SLC17A9: variants seen among roughly 807,000 people sequenced by gnomAD.
The protein encoded by SLC17A9 is voltage-gated purine nucleotide uniporter SLC17A9.
In SLC17A9, 49 loss-of-function variants were observed where a neutral mutation model predicts 55.0. The observed-to-expected ratio is 0.89, with a 90% CI of 0.71 to 1.13. The LOEUF (loss-of-function observed/expected upper bound fraction) is 1.13. Among genes scored for constraint, SLC17A9 ranks in the 50% most tolerant of loss-of-function variants. The probability of loss-of-function intolerance (pLI) is 0.00; values close to 1 mark genes in which losing one functional copy is unlikely to be tolerated. For missense variants in SLC17A9, 526 were observed against 569.3 expected (o/e 0.92, Z 0.77); for synonymous variants, 256 against 247.4 (o/e 1.03, Z -0.32).
intron 1 of SLC17A9, 94 bp downstream of exon 1, chr20:62,952,983 G>A (rs907852621): frequency 1.5e-6 from 2 of 1,360,556 alleles, no homozygotes; most frequent in Non-Finnish European, 2.0e-6. Context: ...GATGCTAGGT[G>A]GGGAGGGCTG....
chr20:62,963,039 G>A (rs2065602492), intron 5 of SLC17A9: 1 of 630,520 alleles, frequency 1.6e-6, no homozygotes, highest in African/African-American at 1.8e-5. Flanking sequence ...TGGGTGGCCA[G>A]GGGGCTCTGG....
rs1313811498 is a variant in SLC17A9 at position 62,967,792 on chromosome 20, ATTG to A, written c.*295_*297del. 1 of 332,708 alleles carries A rather than the reference ATTG, an allele frequency of 3.0e-6. No individual in the cohort carries two copies. Among genetic ancestry groups the A allele is most frequent in the African/African-American group, 2.1e-5 (1 of 46,938 alleles). 20.6% of individuals were successfully genotyped at this position (332,708 alleles called of 1,614,324 possible). On this transcript the variant is annotated 3_prime_UTR_variant, in exon 13 of 13. Coordinates refer to ENST00000370351, the MANE Select transcript of SLC17A9 (RefSeq NM_022082.4). ...TGTGGCCGTCAGGGTGGGTGGGGTT[ATTG>A]TTAGTAGGCGCAGCCTCATTCCCAC...
intron 1 of SLC17A9, among the ~76,000 whole-genome samples, chr20:62,954,279 GC>G (rs1429189990): frequency 6.6e-6 from 1 of 152,190 alleles, no homozygotes; most frequent in African/African-American, 2.4e-5. Context: ...CCTTTTCCTA[GC>G]CCGCCCTCCT....
At chr20:62,964,960 C>T (rs1371423488) in intron 8 of SLC17A9, 172 bp from the exon 9 acceptor site, 1 of 684,588 alleles carries the variant, frequency 1.5e-6, no homozygotes, top group Admixed American at 2.7e-5. Flanking sequence ...CTCGCGGCTG[C>T]ACCCCACATG....
At chr20:62,965,075 C>T (rs2065623004) in intron 8 of SLC17A9, 57 bp from the exon 9 acceptor site, 1 of 1,604,682 alleles carries the variant, frequency 6.2e-7, no homozygotes, top group Non-Finnish European at 8.5e-7. Context: ...GGGACCCCCT[C>T]TGGGGTGTCA....
At chr20:62,960,954 A>G (rs1439824297) in intron 4 of SLC17A9, among the ~76,000 whole-genome samples, 1 of 152,214 alleles carries the variant, frequency 6.6e-6, no homozygotes, top group African/African-American at 2.4e-5. Flanking sequence ...CCCACCCTCG[A>G]CAGGAGAGTC....
chr20:62,957,604 C>T (rs774378939), intron 3 of SLC17A9, 24 bp downstream of exon 3: 5 of 1,506,782 alleles, frequency 3.3e-6, no homozygotes, highest in South Asian at 1.3e-5. Context: ...AGGCGGCTCC[C>T]TCACGCTCTC....
intron 7 of SLC17A9, 113 bp downstream of exon 7, chr20:62,963,793 G>A: frequency 1.1e-6 from 1 of 941,990 alleles, no homozygotes; most frequent in Non-Finnish European, 1.6e-6. Flanking sequence ...GGCTCCTCCT[G>A]GACTCTGAGG....
intron 2 of SLC17A9, 163 bp downstream of exon 2, chr20:62,957,125 A>T: frequency 3.4e-6 from 3 of 894,794 alleles, no homozygotes; most frequent in Non-Finnish European, 4.0e-6. Context: ...AGCTTCGTGG[A>T]CACAGAGGAT....
In SLC17A9 at chr20:62,952,896, CGGGGGTGAGGGGAGG is replaced by C; in HGVS notation, c.59+15_59+29del. 8.3e-5 allele frequency: 5 copies of C among 60,182 alleles called. No individual in the cohort carries two copies. The highest frequency in any genetic ancestry group is 1.6e-4 in the Non-Finnish European group (5 of 31,594). The allele number at this position is 60,182 out of a possible 1,614,324, so 3.7% of individuals were successfully genotyped here. A position where few individuals can be genotyped will look rare whatever the true frequency, so the allele number is the denominator to read the frequency against. On this transcript the variant is annotated splice_region_variant and intron_variant, in intron 1 of 12. Transcript: ENST00000370351. ...GGGACACCCAGTGGTCCAGGTGTGG[CGGGGGTGAGGGGAGG>C]GGGGGTGGGAGCGGTGGAGATGGGG...
In SLC17A9 at chr20:62,957,573, G is replaced by A; in HGVS notation, c.390G>A (p.Leu130=). 2 of 1,558,592 alleles carry A rather than the reference G, an allele frequency of 1.3e-6. No individual in the cohort carries two copies. The highest frequency in any genetic ancestry group is 1.7e-6 in the Non-Finnish European group (2 of 1,154,360). Residue 130 remains leucine (L), a synonymous_variant, in exon 3 of 13, where the codon TTG becomes TTA. Coordinates refer to ENST00000370351, the MANE Select transcript of SLC17A9 (RefSeq NM_022082.4). ...CCTTCTCACGCATCCTCATGGGCTT[G>A]CTCCAAGGTAAGGGGAGCTCAGGCG... ...FMTFSRILMG[L]LQGVYFPALT... is the part of the protein sequence containing the mutation.
intron 1 of SLC17A9, chr20:62,953,172 G>A (rs2065505878): frequency 3.2e-6 from 5 of 1,543,720 alleles, no homozygotes; most frequent in Non-Finnish European, 3.5e-6. Context: ...CAGGCCAGGG[G>A]CATTGTCCTG....
chr20:62,966,765 C>G, intron 12 of SLC17A9, 33 bp downstream of exon 12: 2 of 1,598,048 alleles, frequency 1.3e-6, no homozygotes, highest in Non-Finnish European at 1.7e-6. Context: ...CAGGAGTTCC[C>G]CTGTCTGTGG....
chr20:62,967,736 C>T lies in SLC17A9; in HGVS notation c.*236C>T, dbSNP rs1036779502. On this transcript the variant is annotated 3_prime_UTR_variant, in exon 13 of 13. Transcript: ENST00000370351. ...GGGCCTCAGTTTCCCCACCTGCCAG[C>T]GGGCTCGGCCCTGTCCTCCTCACAG... is the stretch of plus-strand genomic sequence containing the variant. 29 of 490,256 alleles carry T rather than the reference C, an allele frequency of 5.9e-5. No homozygotes were observed. The highest frequency in any genetic ancestry group is 7.8e-5 in the African/African-American group (4 of 51,266). The allele number at this position is 490,256 out of a possible 1,614,324, so 30.4% of individuals were successfully genotyped here.
At chr20:62,957,131 A>G (rs2065543935) in intron 2 of SLC17A9, 169 bp downstream of exon 2, 1 of 975,202 alleles carries the variant, frequency 1.0e-6, no homozygotes, top group South Asian at 4.7e-5. Flanking sequence ...GTGGACACAG[A>G]GGATGCGACT....
At chr20:62,959,013 G>A (rs1406521435) in intron 3 of SLC17A9, among the ~76,000 whole-genome samples, 2 of 152,218 alleles carry the variant, frequency 1.3e-5, no homozygotes, top group African/African-American at 2.4e-5. Flanking sequence ...TCCCACTGCA[G>A]GAGCTGGAGG....
chr20:62,959,420 C>T (rs2065569726), intron 3 of SLC17A9, among the ~76,000 whole-genome samples: 1 of 152,258 alleles, frequency 6.6e-6, no homozygotes, highest in Non-Finnish European at 1.5e-5. Context: ...CAGATGTCAT[C>T]CTGTGCCCAT....
chr20:62,957,866 A>T (rs1568912489), intron 3 of SLC17A9, among the ~76,000 whole-genome samples: 4 of 104,804 alleles, frequency 3.8e-5, no homozygotes, highest in East Asian at 5.7e-4. Context: ...TGCGTGTGCA[A>T]GTGTGTGTAT....
chr20:62,957,235 C>G, intron 2 of SLC17A9: 1 of 985,368 alleles, frequency 1.0e-6, no homozygotes, highest in Non-Finnish European at 1.2e-6. Flanking sequence ...TGGCAAGGCC[C>G]CAGGGCCCTG....
Sources: gnomAD v4.1 joint callset for allele counts (sites outside exome capture counted in the v4.1 genomes callset) on GRCh38, gnomAD v4.1.1 for gene constraint, MANE v1.5 for transcripts, NCBI Gene and HGNC (gene_info 2026-07-23, HGNC 2026-07-21) for gene names.